POPDC1: variants seen among roughly 807,000 people sequenced by gnomAD.
The protein encoded by POPDC1 is popeye domain cAMP effector 1.
At chr6:105,100,573 T>C in the POPDC1 span, 1 of 128,342 alleles carries the variant, frequency 7.8e-6, no homozygotes, top group Non-Finnish European at 1.7e-5. Flanking sequence ...TATATATGTA[T>C]GTATGTATGT....
chr6:105,104,819 C>A, the POPDC1 span, among the ~76,000 whole-genome samples: 1,742 of 152,246 alleles, frequency 0.011, 36 homozygotes, highest in African/African-American at 0.04. Context: ...AGGGAGTGAC[C>A]ACAAGGTGCT....
the POPDC1 span, among the ~76,000 whole-genome samples, chr6:105,111,775 G>A: frequency 6.6e-6 from 1 of 152,186 alleles, no homozygotes. Flanking sequence ...TGAGAAATGG[G>A]AGCAGCAGCA....
At chr6:105,112,359 G>A in the POPDC1 span, among the ~76,000 whole-genome samples, 16 of 152,136 alleles carry the variant, frequency 1.1e-4, no homozygotes, top group Non-Finnish European at 2.2e-4. Context: ...ATAAATATTC[G>A]TATGCATGTT....
chr6:105,115,789 T>C, the POPDC1 span: 6 of 1,614,002 alleles, frequency 3.7e-6, no homozygotes, highest in African/African-American at 8.0e-5. Context: ...TGGAGATCTG[T>C]GTGCAGAGGC....
At chr6:105,110,448 T>C in the POPDC1 span, among the ~76,000 whole-genome samples, 2 of 152,230 alleles carry the variant, frequency 1.3e-5, no homozygotes, top group Non-Finnish European at 2.9e-5. Flanking sequence ...TGTAAGTCTA[T>C]GGTTGCTCAC....
chr6:105,129,253 TA>T, the POPDC1 span: 1 of 864,922 alleles, frequency 1.2e-6, no homozygotes, highest in Non-Finnish European at 1.6e-6. Flanking sequence ...ACAGAAAGCC[TA>T]AACTTCAGAG....
At chr6:105,108,847 AT>A in the POPDC1 span, among the ~76,000 whole-genome samples, 1 of 152,262 alleles carries the variant, frequency 6.6e-6, no homozygotes, top group African/African-American at 2.4e-5. Flanking sequence ...ACAAAGGCTA[AT>A]TGCAGTTATA....
chr6:105,106,555 G>C, the POPDC1 span, among the ~76,000 whole-genome samples: 69 of 152,360 alleles, frequency 4.5e-4, no homozygotes, highest in African/African-American at 1.6e-3. Context: ...GCTCCCACAA[G>C]GGGATTCAGA....
chr6:105,121,554 G>A, the POPDC1 span, among the ~76,000 whole-genome samples: 9 of 151,996 alleles, frequency 5.9e-5, no homozygotes, highest in East Asian at 9.7e-4. Context: ...AGGTGTGGGC[G>A]GCCGCGCCTG....
the POPDC1 span, among the ~76,000 whole-genome samples, chr6:105,112,474 C>T: frequency 3.0e-5 from 1 of 33,104 alleles, no homozygotes; most frequent in Non-Finnish European, 1.7e-4. Flanking sequence ...AGTGACACTG[C>T]TTGTAATTCT....
At chr6:105,100,320 TA>T in the POPDC1 span, 1 of 151,854 alleles carries the variant, frequency 6.6e-6, no homozygotes, top group Non-Finnish European at 1.5e-5. Context: ...CCATCCTGGC[TA>T]ACACAGTGAA....
At chr6:105,099,828 CA>C in the POPDC1 span, 1 of 152,176 alleles carries the variant, frequency 6.6e-6, no homozygotes, top group Non-Finnish European at 1.5e-5. Flanking sequence ...GAATACAGAT[CA>C]AAGAATGAAG....
the POPDC1 span, among the ~76,000 whole-genome samples, chr6:105,102,584 C>T: frequency 4.3e-3 from 653 of 152,316 alleles, 6 homozygotes; most frequent in African/African-American, 0.015. Context: ...CAAATCCCTA[C>T]TCTGCAACCT....
the POPDC1 span, among the ~76,000 whole-genome samples, chr6:105,135,213 CACT>C: frequency 6.6e-6 from 1 of 152,140 alleles, no homozygotes; most frequent in African/African-American, 2.4e-5. Context: ...TAGAGAAGGC[CACT>C]GAGACAGGGA....
At chr6:105,106,193 G>A in the POPDC1 span, among the ~76,000 whole-genome samples, 2 of 152,130 alleles carry the variant, frequency 1.3e-5, no homozygotes, top group Non-Finnish European at 2.9e-5. Flanking sequence ...AGACTTAACA[G>A]GTGTGAAACT....
At chr6:105,109,250 G>A in the POPDC1 span, among the ~76,000 whole-genome samples, 2 of 152,280 alleles carry the variant, frequency 1.3e-5, no homozygotes, top group Middle Eastern at 3.4e-3. Context: ...GAGCCACTGG[G>A]CCCAGCCCTT....
chr6:105,102,206 C>T, the POPDC1 span, among the ~76,000 whole-genome samples: 7 of 152,256 alleles, frequency 4.6e-5, no homozygotes, highest in Admixed American at 1.3e-4. Context: ...GGAGGGATAC[C>T]GGGTGAAACC....
At chr6:105,108,580 A>G in the POPDC1 span, among the ~76,000 whole-genome samples, 3 of 152,232 alleles carry the variant, frequency 2.0e-5, no homozygotes, top group Non-Finnish European at 4.4e-5. Flanking sequence ...GTGTCCCACA[A>G]CAGCAAGGCA....
the POPDC1 span, among the ~76,000 whole-genome samples, chr6:105,132,217 C>T: frequency 6.6e-6 from 1 of 152,176 alleles, no homozygotes; most frequent in South Asian, 2.1e-4. Context: ...CCACCCACCT[C>T]GGCCTACCAC....
Sources: gnomAD v4.1 joint callset for allele counts (sites outside exome capture counted in the v4.1 genomes callset) on GRCh38, gnomAD v4.1.1 for gene constraint, MANE v1.5 for transcripts, NCBI Gene and HGNC (gene_info 2026-07-23, HGNC 2026-07-21) for gene names.